Variants in MALRD1 observed in about 807,000 individuals in gnomAD.
MALRD1 encodes the protein MAM and LDL receptor class A domain containing 1.
MALRD1 carries 247 observed loss-of-function variants against 242.1 expected under a neutral mutation model. The observed-to-expected ratio is 1.02, with a 90% CI of 0.92 to 1.13. MALRD1 has a LOEUF of 1.13. MALRD1 is among the 50% of genes most tolerant of loss of function. The pLI is 0.00. For missense variants in MALRD1, 2,989 were observed against 2,533.1 expected (o/e 1.18, Z -3.86); for synonymous variants, 995 against 866.6 (o/e 1.15, Z -2.60).
chr10:19,389,666 G>T (rs1454786246), intron 28 of MALRD1, 57 bp downstream of exon 28: 4 of 1,495,662 alleles, frequency 2.7e-6, no homozygotes, highest in Non-Finnish European at 3.6e-6. Flanking sequence ...TAGAGACAGG[G>T]TCTTGCTCTG....
intron 18 of MALRD1, among the ~76,000 whole-genome samples, chr10:19,236,630 G>A (rs1283189676): frequency 6.6e-6 from 1 of 151,872 alleles, no homozygotes; most frequent in South Asian, 2.1e-4. Flanking sequence ...TTCACATCAG[G>A]GAAAATAATT....
chr10:19,576,814 C>G (rs1485041995), intron 33 of MALRD1, among the ~76,000 whole-genome samples: 2 of 152,130 alleles, frequency 1.3e-5, no homozygotes, highest in African/African-American at 4.8e-5. Context: ...TGAATTTATC[C>G]TTAATCCTCC....
At chr10:19,676,989 C>T (rs112872342) in intron 36 of MALRD1, among the ~76,000 whole-genome samples, 6 of 152,196 alleles carry the variant, frequency 3.9e-5, no homozygotes, top group African/African-American at 1.4e-4. Flanking sequence ...CTGCCAAGAA[C>T]ATGATCTCAT....
chr10:19,429,582 A>G (rs1001523083), intron 28 of MALRD1, among the ~76,000 whole-genome samples: 3 of 151,794 alleles, frequency 2.0e-5, no homozygotes, highest in African/African-American at 7.3e-5. Context: ...ACAAAACAAA[A>G]CAAATAGAGT....
At chr10:19,497,752 G>C (rs571396987) in intron 30 of MALRD1, among the ~76,000 whole-genome samples, 3 of 152,232 alleles carry the variant, frequency 2.0e-5, no homozygotes, top group Admixed American at 2.0e-4. Flanking sequence ...CATTCTGTCT[G>C]TACAACGCAG....
chr10:19,108,385 T>A (rs1564396463), intron 5 of MALRD1, among the ~76,000 whole-genome samples: 1 of 49,352 alleles, frequency 2.0e-5, no homozygotes, highest in South Asian at 7.5e-4. Context: ...GAATTGTTTT[T>A]TCTTTTTTTT....
At chr10:19,273,289 G>T (rs1840347657) in intron 19 of MALRD1, among the ~76,000 whole-genome samples, 1 of 152,126 alleles carries the variant, frequency 6.6e-6, no homozygotes, top group Admixed American at 6.5e-5. Flanking sequence ...TTCATTGCTG[G>T]TAGAAATACC....
chr10:19,087,066 G>GTAT (rs1454525466), intron 2 of MALRD1, among the ~76,000 whole-genome samples: 1 of 151,988 alleles, frequency 6.6e-6, no homozygotes, highest in East Asian at 1.9e-4. Context: ...TATCTTATCT[G>GTAT]TATTTTACTG....
intron 32 of MALRD1, among the ~76,000 whole-genome samples, chr10:19,561,803 T>C (rs1835978538): frequency 6.6e-6 from 1 of 152,016 alleles, no homozygotes; most frequent in African/African-American, 2.4e-5. Context: ...CATGGAGAAC[T>C]AGAGGGGATG....
At chr10:19,167,253 G>C (rs888224823) in intron 13 of MALRD1, among the ~76,000 whole-genome samples, 2 of 152,130 alleles carry the variant, frequency 1.3e-5, no homozygotes, top group African/African-American at 4.8e-5. Context: ...CAGCTACTCT[G>C]GAGGCTGAGG....
chr10:19,113,531 GTCC>G (rs1836756866), intron 5 of MALRD1, among the ~76,000 whole-genome samples: 1 of 147,382 alleles, frequency 6.8e-6, no homozygotes, highest in Admixed American at 6.9e-5. Context: ...TCTCCCCTCT[GTCC>G]TCCTCCTACA....
At chr10:19,606,416 G>A (rs1838626403) in intron 34 of MALRD1, among the ~76,000 whole-genome samples, 1 of 152,126 alleles carries the variant, frequency 6.6e-6, no homozygotes, top group Non-Finnish European at 1.5e-5. Context: ...AGCTGTTCTT[G>A]TTGAACCTGG....
intron 32 of MALRD1, among the ~76,000 whole-genome samples, chr10:19,547,819 T>TATATA (rs1491504993): frequency 1.4e-3 from 17 of 12,518 alleles, no homozygotes; most frequent in African/African-American, 2.1e-3. Context: ...TATATATATA[T>TATATA]TTTTTTTTTT....
At chr10:19,238,367 A>G (rs1162968811) in intron 18 of MALRD1, among the ~76,000 whole-genome samples, 14 of 86,036 alleles carry the variant, frequency 1.6e-4, no homozygotes, top group African/African-American at 4.6e-4. Context: ...AATACATAAT[A>G]TATATTATAC....
intron 21 of MALRD1, among the ~76,000 whole-genome samples, chr10:19,301,989 C>G (rs1188567725): frequency 6.6e-6 from 1 of 151,680 alleles, no homozygotes; most frequent in Non-Finnish European, 1.5e-5. Flanking sequence ...GTTATACAAA[C>G]AGCTAAAAGT....
chr10:19,642,328 G>A (rs933691867), intron 36 of MALRD1, among the ~76,000 whole-genome samples: 4 of 151,990 alleles, frequency 2.6e-5, no homozygotes, highest in Admixed American at 1.3e-4. Flanking sequence ...TTTTTTTAAT[G>A]AGACTGTACT....
chr10:19,346,834 G>T (rs1464812722), intron 24 of MALRD1, among the ~76,000 whole-genome samples: 1 of 151,826 alleles, frequency 6.6e-6, no homozygotes, highest in African/African-American at 2.4e-5. Context: ...ATTTTTAGTA[G>T]AGATGGGGTT....
chr10:19,552,111 GAGTT>G (rs1485342073), intron 32 of MALRD1, among the ~76,000 whole-genome samples: 1 of 152,114 alleles, frequency 6.6e-6, no homozygotes, highest in African/African-American at 2.4e-5. Flanking sequence ...CTCATAGAAT[GAGTT>G]AGAGAGGAGT....
chr10:19,211,435 CT>C, intron 18 of MALRD1, among the ~76,000 whole-genome samples: 1 of 151,868 alleles, frequency 6.6e-6, no homozygotes, highest in Admixed American at 6.6e-5. Context: ...GGGCTCACAC[CT>C]GTAATCCCAA....
Sources: allele counts gnomAD v4.1 joint callset (sites outside exome capture counted in the v4.1 genomes callset), GRCh38; gene constraint gnomAD v4.1.1; transcripts MANE v1.5; gene names NCBI Gene and HGNC (gene_info 2026-07-23, HGNC 2026-07-21).